GLI3: variants seen among roughly 807,000 people sequenced by gnomAD.
GLI3 encodes the protein transcription activator GLI3.
Under a neutral mutation model 100.8 loss-of-function variants are expected in GLI3, and 20 were observed. The observed-to-expected ratio is 0.20, with a 90% CI of 0.14 to 0.29. The LOEUF (loss-of-function observed/expected upper bound fraction) is 0.29, where lower values mean the gene tolerates loss of function less well. GLI3 is among the 10% of genes least tolerant of loss of function. The pLI is 1.00. For missense variants in GLI3, 2,040 were observed against 2,128.5 expected, an observed-to-expected ratio of 0.96 and a Z score of 0.82; for synonymous variants, 938 against 860.5, an observed-to-expected ratio of 1.09 and a Z score of -1.58.
At chr7:42,033,988 G>A (rs954512047) in intron 7 of GLI3, among the ~76,000 whole-genome samples, 2 of 152,050 alleles carry the variant, frequency 1.3e-5, no homozygotes, top group Non-Finnish European at 2.9e-5. Context: ...AATACATTAG[G>A]TTTTACATTA....
intron 3 of GLI3, among the ~76,000 whole-genome samples, chr7:42,080,487 T>C (rs1306173911): frequency 6.6e-6 from 1 of 152,220 alleles, no homozygotes; most frequent in Non-Finnish European, 1.5e-5. Context: ...TTTCCCCTCT[T>C]GATTAAATTT....
intron 4 of GLI3, among the ~76,000 whole-genome samples, chr7:42,062,058 C>G (rs1784579111): frequency 6.6e-6 from 1 of 152,112 alleles, no homozygotes; most frequent in African/African-American, 2.4e-5. Context: ...GCAAGAATTA[C>G]TTGTTCATAT....
intron 7 of GLI3, among the ~76,000 whole-genome samples, chr7:42,029,386 C>T (rs867340426): frequency 1.3e-5 from 2 of 152,294 alleles, no homozygotes; most frequent in Middle Eastern, 3.4e-3. Flanking sequence ...GGGCAGAGGA[C>T]GGGCGATGAC....
intron 2 of GLI3, among the ~76,000 whole-genome samples, chr7:42,190,028 A>G (rs1217644635): frequency 6.6e-6 from 1 of 150,934 alleles, no homozygotes; most frequent in Non-Finnish European, 1.5e-5. Flanking sequence ...AGAGAACTAT[A>G]TTTTGCAATT....
intron 4 of GLI3, among the ~76,000 whole-genome samples, chr7:42,051,598 T>C (rs1223612595): frequency 1.3e-5 from 2 of 152,200 alleles, no homozygotes; most frequent in Non-Finnish European, 2.9e-5. Flanking sequence ...TATAAACATA[T>C]ATACATGCAT....
intron 8 of GLI3, among the ~76,000 whole-genome samples, chr7:42,025,936 C>T (rs1234672862): frequency 6.6e-6 from 1 of 152,222 alleles, no homozygotes; most frequent in Admixed American, 6.5e-5. Context: ...ACAGATGGCA[C>T]CAGGTCACAG....
chr7:42,238,263 C>G (rs181597963), upstream of GLI3, among the ~76,000 whole-genome samples: 128 of 152,138 alleles, frequency 8.4e-4, no homozygotes, highest in African/African-American at 2.9e-3. Context: ...CCTGTCTGCT[C>G]CCATCTTCTC....
rs1491195579 is a variant in GLI3, at chr7:42,182,685, CAT to C, written c.125-34219_125-34218del. 3.4e-4 allele frequency among the ~76,000 whole-genome samples: 18 copies of C among 52,746 alleles called. 1 individual carries two copies. Among genetic ancestry groups the C allele is most frequent in the South Asian group, 1.8e-3 (3 of 1,638 alleles). 34.6% of individuals were successfully genotyped at this position (52,746 alleles called of 152,430 possible). On this transcript the variant is annotated intron_variant, in intron 2 of 14. Transcript: ENST00000395925. ...ATATATATATATATATATATATACA[CAT>C]GTGTGTATATATATATACACACATA... is the stretch of plus-strand genomic sequence containing the variant.
chr7:42,041,997 C>T (rs1291819207), intron 6 of GLI3, among the ~76,000 whole-genome samples: 1 of 149,252 alleles, frequency 6.7e-6, no homozygotes, highest in Non-Finnish European at 1.5e-5. Context: ...CACAAAATAG[C>T]AATCCCAACG....
intron 7 of GLI3, among the ~76,000 whole-genome samples, chr7:42,029,813 G>A (rs562936852): frequency 4.6e-5 from 7 of 152,016 alleles, no homozygotes; most frequent in Non-Finnish European, 8.8e-5. Context: ...TTGCCCCATC[G>A]TTTTCTACTG....
chr7:42,039,992 G>A (rs1784098457), intron 7 of GLI3, 46 bp downstream of exon 7: 2 of 1,411,136 alleles, frequency 1.4e-6, no homozygotes, highest in Admixed American at 1.7e-5. Context: ...AACAAGTGCT[G>A]ACATTACATT....
intron 2 of GLI3, among the ~76,000 whole-genome samples, chr7:42,165,618 C>T (rs1376271806): frequency 6.6e-6 from 1 of 152,164 alleles, no homozygotes; most frequent in African/African-American, 2.4e-5. Flanking sequence ...ATTTGGGGGT[C>T]TCATTCCCTA....
At chr7:42,146,022 T>C (rs1786697772) in intron 3 of GLI3, among the ~76,000 whole-genome samples, 1 of 152,216 alleles carries the variant, frequency 6.6e-6, no homozygotes, top group South Asian at 2.1e-4. Flanking sequence ...TGAGCCAATC[T>C]GTGCAGTCTT....
chr7:42,184,697 C>T (rs906251929), intron 2 of GLI3, among the ~76,000 whole-genome samples: 5 of 152,184 alleles, frequency 3.3e-5, no homozygotes, highest in African/African-American at 1.2e-4. Context: ...GCAAGGATTG[C>T]CTGTGCCACA....
In GLI3 at chr7:42,040,567, CATT is replaced by C. The variant is rs572296380; in HGVS notation, c.827-331_827-329del. On this transcript the variant is annotated intron_variant, in intron 6 of 14. Transcript: ENST00000395925. ...CTGACGGCTGCTTAGATATTCCCAT[CATT>C]AATTCACCACAAGCGACAAAGACAG... is the stretch of plus-strand genomic sequence containing the variant. 2.1e-3 allele frequency among the ~76,000 whole-genome samples: 317 copies of C among 152,306 alleles called. 1 individual carries two copies. Among genetic ancestry groups the C allele is most frequent in the African/African-American group, 7.5e-3 (311 of 41,552 alleles).
At chr7:42,192,021 TA>T (rs1787837813) in intron 2 of GLI3, among the ~76,000 whole-genome samples, 1 of 149,038 alleles carries the variant, frequency 6.7e-6, no homozygotes, top group African/African-American at 2.5e-5. Flanking sequence ...TGAAAAAATT[TA>T]AACTTCTACA....
intron 2 of GLI3, among the ~76,000 whole-genome samples, chr7:42,174,614 C>A (rs1163236577): frequency 6.6e-6 from 1 of 152,222 alleles, no homozygotes; most frequent in Non-Finnish European, 1.5e-5. Context: ...TTCCCTGACA[C>A]ACAGAGAAAA....
chr7:42,216,404 A>G (rs1283162645), intron 2 of GLI3, among the ~76,000 whole-genome samples: 1 of 152,214 alleles, frequency 6.6e-6, no homozygotes, highest in East Asian at 1.9e-4. Flanking sequence ...ATTCTGTAGC[A>G]TACTGCAGTG....
chr7:42,209,838 G>C (rs1032082411), intron 2 of GLI3, among the ~76,000 whole-genome samples: 1 of 137,790 alleles, frequency 7.3e-6, no homozygotes, highest in Non-Finnish European at 1.6e-5. Flanking sequence ...TTTTTTTTGA[G>C]ACAGTCTTGC....
Sources: gnomAD v4.1 joint callset for allele counts (sites outside exome capture counted in the v4.1 genomes callset) on GRCh38, gnomAD v4.1.1 for gene constraint, MANE v1.5 for transcripts, NCBI Gene and HGNC (gene_info 2026-07-23, HGNC 2026-07-21) for gene names.